Variants in AUTS2 observed in about 807,000 individuals in gnomAD.
AUTS2 encodes the protein autism susceptibility gene 2 protein.
AUTS2 carries 17 observed loss-of-function variants against 112.4 expected under a neutral mutation model. That is an observed-to-expected ratio of 0.15 (90% confidence interval 0.10 to 0.23). The LOEUF (loss-of-function observed/expected upper bound fraction) is 0.23. AUTS2 is among the 10% of genes least tolerant of loss of function. The pLI is 1.00. For missense variants in AUTS2, 1,510 were observed against 1,701.6 expected (o/e 0.89, Z 1.98); for synonymous variants, 751 against 702.7 (o/e 1.07, Z -1.09).
chr7:70,535,979 T>TA (rs1800300017), intron 5 of AUTS2, among the ~76,000 whole-genome samples: 1 of 152,160 alleles, frequency 6.6e-6, no homozygotes, highest in Non-Finnish European at 1.5e-5. Flanking sequence ...CCCAAGGCAA[T>TA]ACCTTCTACC....
At chr7:70,496,285 A>T (rs1798496847) in intron 5 of AUTS2, among the ~76,000 whole-genome samples, 1 of 129,812 alleles carries the variant, frequency 7.7e-6, no homozygotes, top group Admixed American at 7.9e-5. Flanking sequence ...ATCAGCGTCG[A>T]TCACACACCC....
chr7:70,425,163 G>C (rs1361106760), intron 4 of AUTS2, among the ~76,000 whole-genome samples: 2 of 152,210 alleles, frequency 1.3e-5, no homozygotes, highest in African/African-American at 4.8e-5. Flanking sequence ...CACAACCTTA[G>C]TGGTGGAAGG....
chr7:69,805,242 A>G (rs1416944583), intron 1 of AUTS2, among the ~76,000 whole-genome samples: 1 of 152,204 alleles, frequency 6.6e-6, no homozygotes, highest in Non-Finnish European at 1.5e-5. Context: ...AAATACACCA[A>G]CATTACATTT....
intron 4 of AUTS2, among the ~76,000 whole-genome samples, chr7:70,350,709 G>A (rs1396036826): frequency 6.6e-6 from 1 of 152,050 alleles, no homozygotes; most frequent in Non-Finnish European, 1.5e-5. Flanking sequence ...TAACATATCT[G>A]TCACCTTCCA....
chr7:70,418,075 C>G (rs1466235494), intron 4 of AUTS2, among the ~76,000 whole-genome samples: 2 of 136,370 alleles, frequency 1.5e-5, no homozygotes, highest in Non-Finnish European at 3.2e-5. Context: ...GGCTAACTTT[C>G]TGTGTGTGTG....
At chr7:70,025,432 A>G (rs1410509282) in intron 2 of AUTS2, among the ~76,000 whole-genome samples, 1 of 147,782 alleles carries the variant, frequency 6.8e-6, no homozygotes, top group Non-Finnish European at 1.5e-5. Context: ...AAACATATCT[A>G]CATACTTTTT....
intron 1 of AUTS2, among the ~76,000 whole-genome samples, chr7:69,845,122 T>C (rs535838009): frequency 6.6e-6 from 1 of 152,332 alleles, no homozygotes; most frequent in African/African-American, 2.4e-5. Flanking sequence ...ACCTTCAGGC[T>C]TCTGACCTCA....
intron 1 of AUTS2, among the ~76,000 whole-genome samples, chr7:69,718,898 C>G (rs1347109232): frequency 1.3e-5 from 2 of 152,180 alleles, no homozygotes; most frequent in African/African-American, 4.8e-5. Flanking sequence ...TGGTTTATCA[C>G]TGCTTAAAGC....
At chr7:70,571,094 G>A (rs1008778047) in intron 5 of AUTS2, among the ~76,000 whole-genome samples, 2 of 152,192 alleles carry the variant, frequency 1.3e-5, no homozygotes, top group South Asian at 4.1e-4. Context: ...TAGGACGAGT[G>A]CATGAATAAA....
At chr7:70,567,860 T>C (rs980169016) in intron 5 of AUTS2, among the ~76,000 whole-genome samples, 7 of 152,172 alleles carry the variant, frequency 4.6e-5, no homozygotes, top group Admixed American at 3.3e-4. Context: ...TGTTTTTTAA[T>C]GTCTGAAGAG....
chr7:69,662,750 A>T (rs1030779138), intron 1 of AUTS2, among the ~76,000 whole-genome samples: 1 of 152,174 alleles, frequency 6.6e-6, no homozygotes, highest in Non-Finnish European at 1.5e-5. Flanking sequence ...AACACTAGAA[A>T]TGTAGATTTT....
rs1039469049 is a variant in AUTS2, at chr7:70,512,119, A to T, written c.690+76338A>T. Among the ~76,000 whole-genome samples, 3 of 152,214 alleles carry T rather than the reference A, an allele frequency of 2.0e-5. No individual in the cohort carries two copies. The East Asian group carries it at 5.8e-4, about 29-fold the overall frequency. ...TGACCTTTTCCTGTTTCAGCTGTGA[A>T]TATGGGTCCCCACGTTGATCTCAGC... On this transcript the variant is annotated intron_variant, in intron 5 of 18. Coordinates refer to ENST00000342771, the MANE Select transcript of AUTS2 (RefSeq NM_015570.4).
At chr7:69,813,238 T>C (rs907336301) in intron 1 of AUTS2, among the ~76,000 whole-genome samples, 1 of 152,186 alleles carries the variant, frequency 6.6e-6, no homozygotes, top group African/African-American at 2.4e-5. Flanking sequence ...GTCCCAGATA[T>C]AAACACATGG....
chr7:70,391,583 G>C lies in AUTS2; in HGVS notation c.661-44169G>C, dbSNP rs1490891172. On this transcript the variant is annotated intron_variant, in intron 4 of 18. Coordinates refer to ENST00000342771, the MANE Select transcript of AUTS2 (RefSeq NM_015570.4). ...TATCTGTTGAATAATCTGTAAAACT[G>C]TTATCAACCCCAACTATAACTTACT... 2.0e-5 allele frequency among the ~76,000 whole-genome samples: 3 copies of C among 152,222 alleles called. No individual in the cohort carries two copies. The South Asian group carries it at 6.2e-4, about 32-fold the overall frequency.
chr7:70,006,776 T>C (rs912381766), intron 2 of AUTS2, among the ~76,000 whole-genome samples: 4 of 152,178 alleles, frequency 2.6e-5, no homozygotes, highest in African/African-American at 9.7e-5. Flanking sequence ...AGACTTTTAA[T>C]GTCTATGGCA....
chr7:70,569,249 G>C (rs1801839872), intron 5 of AUTS2, among the ~76,000 whole-genome samples: 1 of 152,220 alleles, frequency 6.6e-6, no homozygotes, highest in Non-Finnish European at 1.5e-5. Context: ...GACTTGCTGA[G>C]TCCCTGTGCC....
At chr7:69,628,690 T>G (rs1794077711) in intron 1 of AUTS2, among the ~76,000 whole-genome samples, 1 of 151,878 alleles carries the variant, frequency 6.6e-6, no homozygotes, top group African/African-American at 2.4e-5. Context: ...GAGGGGGAGA[T>G]GCCACACTTT....
At chr7:69,705,582 AT>A (rs1312800028) in intron 1 of AUTS2, among the ~76,000 whole-genome samples, 29 of 152,340 alleles carry the variant, frequency 1.9e-4, no homozygotes, top group Non-Finnish European at 1.8e-4. Flanking sequence ...CAGGGAACAA[AT>A]TGTCAGCCCT....
At chr7:70,412,707 A>C (rs977769273) in intron 4 of AUTS2, among the ~76,000 whole-genome samples, 2 of 152,176 alleles carry the variant, frequency 1.3e-5, no homozygotes, top group Non-Finnish European at 2.9e-5. Context: ...AAATAATATA[A>C]TTTGGCTGGG....
Sources: allele counts gnomAD v4.1 joint callset (sites outside exome capture counted in the v4.1 genomes callset), GRCh38; gene constraint gnomAD v4.1.1; transcripts MANE v1.5; gene names NCBI Gene and HGNC (gene_info 2026-07-23, HGNC 2026-07-21).